RAP1GDS1: variants seen among roughly 807,000 people sequenced by gnomAD.
RAP1GDS1 encodes RAP1, GTP-GDP dissociation stimulator 1.
A neutral mutation model predicts 71.1 loss-of-function variants in RAP1GDS1; 35 were observed. The ratio of observed to expected loss-of-function variants is 0.49; its 90% CI spans 0.38 to 0.65. The LOEUF (loss-of-function observed/expected upper bound fraction) is 0.65. Ranked by LOEUF, RAP1GDS1 falls within the 30% of genes least tolerant of loss-of-function variation. RAP1GDS1 has a pLI of 0.00. For synonymous variants in RAP1GDS1, 229 were observed against 243.1 expected, an observed-to-expected ratio of 0.94 and a Z score of 0.54; for missense variants, 663 against 706.1, an observed-to-expected ratio of 0.94 and a Z score of 0.69.
rs553231225 is a variant in RAP1GDS1 at position 98,302,522 on chromosome 4, G to C, written c.112+9007G>C. Among the ~76,000 whole-genome samples the C allele has an allele frequency of 2.6e-5, 4 of 152,232 alleles. No homozygotes were observed. In the East Asian group the frequency reaches 7.7e-4, roughly 29 times the overall value. On this transcript the variant is annotated intron_variant, in intron 2 of 14. Coordinates refer to ENST00000408927, the MANE Select transcript of RAP1GDS1 (RefSeq NM_001100427.2). ...CCAACATACATGCAATTGGAATTCA[G>C]AAGAAGGAAAACAAAATGGTGAAAC...
At chr4:98,308,297 C>CTATATATATATATATATATATA (rs779815305) in intron 2 of RAP1GDS1, among the ~76,000 whole-genome samples, 20 of 73,198 alleles carry the variant, frequency 2.7e-4, no homozygotes, top group African/African-American at 4.0e-4. Context: ...CACACACACA[C>CTATATATATATATATATATATA]TATATATATA....
intron 2 of RAP1GDS1, among the ~76,000 whole-genome samples, chr4:98,298,264 A>G (rs564345127): frequency 9.2e-5 from 14 of 152,322 alleles, no homozygotes; most frequent in Admixed American, 5.9e-4. Context: ...TACCCACAAG[A>G]TCTAGCTAAA....
At chr4:98,408,115 T>C (rs1040204233) in intron 7 of RAP1GDS1, among the ~76,000 whole-genome samples, 2 of 150,066 alleles carry the variant, frequency 1.3e-5, no homozygotes, top group South Asian at 2.1e-4. Context: ...TTTTTTTTTT[T>C]CCCTCCCCCG....
At chr4:98,285,991 C>T (rs944556671) in intron 1 of RAP1GDS1, among the ~76,000 whole-genome samples, 4 of 149,848 alleles carry the variant, frequency 2.7e-5, no homozygotes, top group African/African-American at 9.8e-5. Flanking sequence ...CATGGCTGGG[C>T]ACGGTGGGCT....
chr4:98,388,732 T>TAAA (rs1743152738), intron 5 of RAP1GDS1, among the ~76,000 whole-genome samples: 1 of 151,078 alleles, frequency 6.6e-6, no homozygotes, highest in Admixed American at 6.6e-5. Context: ...TCTCAAAAAT[T>TAAA]TTTTTTTTTA....
chr4:98,336,138 C>T (rs1211034450), intron 2 of RAP1GDS1, among the ~76,000 whole-genome samples: 2 of 152,030 alleles, frequency 1.3e-5, no homozygotes, highest in African/African-American at 4.8e-5. Context: ...TGTCCTCATT[C>T]TCTTAGTCTG....
intron 2 of RAP1GDS1, among the ~76,000 whole-genome samples, chr4:98,313,715 C>T (rs1324707301): frequency 6.6e-6 from 1 of 152,018 alleles, no homozygotes; most frequent in East Asian, 1.9e-4. Flanking sequence ...GGCATGGTGG[C>T]AGGTGCCTGT....
intron 1 of RAP1GDS1, among the ~76,000 whole-genome samples, chr4:98,267,771 A>C (rs1213639335): frequency 6.6e-6 from 1 of 151,890 alleles, no homozygotes; most frequent in African/African-American, 2.4e-5. Context: ...GGTTGTTTTC[A>C]TGTCTTTGTT....
chr4:98,421,576 G>T (rs1748866737), intron 12 of RAP1GDS1, among the ~76,000 whole-genome samples, 182 bp downstream of exon 12: 1 of 152,156 alleles, frequency 6.6e-6, no homozygotes, highest in East Asian at 1.9e-4. Flanking sequence ...GTAAATGGGG[G>T]TTGCTGTTGT....
intron 2 of RAP1GDS1, among the ~76,000 whole-genome samples, chr4:98,317,826 AT>A (rs959290830): frequency 2.1e-5 from 3 of 142,932 alleles, no homozygotes; most frequent in African/African-American, 7.7e-5. Flanking sequence ...ATATATATAT[AT>A]TTTTTTTTCT....
intron 4 of RAP1GDS1, among the ~76,000 whole-genome samples, chr4:98,362,770 A>T (rs1240973176): frequency 2.0e-5 from 3 of 152,196 alleles, no homozygotes; most frequent in Non-Finnish European, 4.4e-5. Context: ...TATAGTAATG[A>T]TTGTACTTAC....
chr4:98,387,977 C>T (rs1743013567), intron 5 of RAP1GDS1, among the ~76,000 whole-genome samples: 2 of 152,290 alleles, frequency 1.3e-5, no homozygotes, highest in African/African-American at 4.8e-5. Flanking sequence ...AAAAGTCATA[C>T]TCCTGATAAC....
intron 6 of RAP1GDS1, among the ~76,000 whole-genome samples, chr4:98,399,686 G>C (rs28806635): frequency 0.042 from 6,384 of 152,212 alleles, 314 homozygotes; most frequent in African/African-American, 0.12. Context: ...AAAATGTTCA[G>C]TATCACTAAT....
intron 4 of RAP1GDS1, among the ~76,000 whole-genome samples, chr4:98,353,134 A>C (rs10022073): frequency 6.6e-6 from 1 of 152,134 alleles, no homozygotes; most frequent in South Asian, 2.1e-4. Flanking sequence ...ATACTGTTCT[A>C]CTAGGCAAAA....
chr4:98,421,777 C>T (rs904378279), intron 12 of RAP1GDS1, among the ~76,000 whole-genome samples: 1 of 152,160 alleles, frequency 6.6e-6, no homozygotes, highest in Non-Finnish European at 1.5e-5. Flanking sequence ...GTGCCGCTGT[C>T]TGGCACATGG....
chr4:98,359,912 CAGAT>C (rs1738475288), intron 4 of RAP1GDS1, among the ~76,000 whole-genome samples: 1 of 152,154 alleles, frequency 6.6e-6, no homozygotes, highest in Non-Finnish European at 1.5e-5. Context: ...AGACAGTACT[CAGAT>C]AGTTTATTAT....
chr4:98,295,308 C>T (rs1357271414), intron 2 of RAP1GDS1, among the ~76,000 whole-genome samples: 1 of 152,032 alleles, frequency 6.6e-6, no homozygotes, highest in Admixed American at 6.6e-5. Flanking sequence ...AAACAATAAA[C>T]TCTCACCAAT....
chr4:98,288,882 C>G (rs1726469012), intron 1 of RAP1GDS1, among the ~76,000 whole-genome samples: 1 of 152,152 alleles, frequency 6.6e-6, no homozygotes, highest in African/African-American at 2.4e-5. Flanking sequence ...GTAGCCGCAG[C>G]AGCAGTGAAG....
intron 13 of RAP1GDS1, among the ~76,000 whole-genome samples, chr4:98,435,219 T>C (rs1750975205): frequency 6.6e-6 from 1 of 152,180 alleles, no homozygotes; most frequent in South Asian, 2.1e-4. Flanking sequence ...CTGGGGCGAA[T>C]GGACCCTCCA....
Sources: allele counts gnomAD v4.1 joint callset (sites outside exome capture counted in the v4.1 genomes callset), GRCh38; gene constraint gnomAD v4.1.1; transcripts MANE v1.5; gene names NCBI Gene and HGNC (gene_info 2026-07-23, HGNC 2026-07-21).